Variants in ANK2 observed in about 807,000 individuals in gnomAD.
The protein encoded by ANK2 is ankyrin-2.
Under a neutral mutation model 360.5 loss-of-function variants are expected in ANK2, and 83 were observed. That is an observed-to-expected ratio of 0.23 (90% confidence interval 0.19 to 0.28). The LOEUF (loss-of-function observed/expected upper bound fraction) is 0.28, where lower values mean the gene tolerates loss of function less well. ANK2 is among the 10% of genes least tolerant of loss of function. ANK2 has a pLI of 1.00. For synonymous variants in ANK2, 1,740 were observed against 1,759.5 expected, an observed-to-expected ratio of 0.99 and a Z score of 0.28; for missense variants, 4,201 against 4,795.7, an observed-to-expected ratio of 0.88 and a Z score of 3.66.
intron 2 of ANK2, among the ~76,000 whole-genome samples, chr4:113,036,248 T>C (rs1318578240): frequency 1.5e-5 from 2 of 130,112 alleles, no homozygotes; most frequent in Non-Finnish European, 3.3e-5. Flanking sequence ...GGACTTTTAG[T>C]AGTAAAAAAA....
At chr4:113,058,801 G>C (rs2071533771) in intron 1 of ANK2, among the ~76,000 whole-genome samples, 1 of 152,164 alleles carries the variant, frequency 6.6e-6, no homozygotes, top group Non-Finnish European at 1.5e-5. Context: ...GATGCCATTA[G>C]AACTGCTAGA....
rs538831456 is a variant in ANK2, at chr4:112,900,927, T to C, written c.-39-3528T>C. Reference sequence around the variant, plus strand: ...ATTCCTGCCATTGAGCAATATGGTGTTGGACAAGAGCCTCACTTTCCTTGT... The same window carrying C: ...ATTCCTGCCATTGAGCAATATGGTGCTGGACAAGAGCCTCACTTTCCTTGT... On this transcript the variant is annotated intron_variant, in intron 1 of 30. Transcript: ENST00000503271. Among the ~76,000 whole-genome samples the C allele has an allele frequency of 3.4e-3, 520 of 152,302 alleles. 6 individuals carry two copies. The highest frequency in any genetic ancestry group is 4.4e-3 in the Non-Finnish European group (298 of 68,016).
chr4:113,103,579 A>C (rs757563697), intron 1 of ANK2, among the ~76,000 whole-genome samples: 6 of 152,226 alleles, frequency 3.9e-5, no homozygotes, highest in Non-Finnish European at 7.4e-5. Flanking sequence ...GACTAAAATA[A>C]TTTAGAATTC....
intron 1 of ANK2, among the ~76,000 whole-genome samples, chr4:112,890,553 G>A (rs1448132467): frequency 5.4e-5 from 6 of 110,518 alleles, no homozygotes; most frequent in Non-Finnish European, 1.1e-4. Flanking sequence ...ATACATTTCT[G>A]TGGTTTTTTT....
chr4:113,288,314 C>T (rs1166225072), intron 19 of ANK2, 74 bp from the exon 20 acceptor site: 1 of 1,223,798 alleles, frequency 8.2e-7, no homozygotes, highest in East Asian at 2.4e-5. Context: ...CAGTCCTTCT[C>T]CTCTGGGGTA....
intron 41 of ANK2, among the ~76,000 whole-genome samples, chr4:113,367,295 C>T (rs2096571245): frequency 6.6e-6 from 1 of 151,988 alleles, no homozygotes; most frequent in African/African-American, 2.4e-5. Flanking sequence ...AAATTCTAAC[C>T]CCATGTTAGG....
At chr4:113,243,821 C>T (rs1287213144) in intron 9 of ANK2, among the ~76,000 whole-genome samples, 1 of 152,088 alleles carries the variant, frequency 6.6e-6, no homozygotes, top group African/African-American at 2.4e-5. Context: ...TATATACTGC[C>T]TTTATGAGAT....
chr4:113,222,307 C>T (rs2099160044), intron 4 of ANK2, among the ~76,000 whole-genome samples: 2 of 152,122 alleles, frequency 1.3e-5, no homozygotes, highest in African/African-American at 2.4e-5. Context: ...CTTTCCAGCT[C>T]ATCCCTAGTA....
At chr4:113,275,484 G>A (rs1211137553) in intron 15 of ANK2, among the ~76,000 whole-genome samples, 1 of 152,168 alleles carries the variant, frequency 6.6e-6, no homozygotes, top group Non-Finnish European at 1.5e-5. Flanking sequence ...CTCATAATCA[G>A]TAGGTATAAG....
the ANK2 span, among the ~76,000 whole-genome samples, chr4:112,791,224 C>G: frequency 6.6e-6 from 1 of 152,110 alleles, no homozygotes; most frequent in African/African-American, 2.4e-5. Flanking sequence ...AGTCTTTAAG[C>G]AGAAGCTGGT....
chr4:112,932,347 C>G (rs1320987775), intron 2 of ANK2, among the ~76,000 whole-genome samples: 1 of 152,220 alleles, frequency 6.6e-6, no homozygotes, highest in East Asian at 1.9e-4. Context: ...CAAAAATTAG[C>G]CAGGTGTGGT....
chr4:113,060,679 CTTTTTTT>C (rs58946073), intron 1 of ANK2, among the ~76,000 whole-genome samples: 19 of 89,338 alleles, frequency 2.1e-4, no homozygotes, highest in African/African-American at 6.3e-4. Context: ...ATCTAAAAAG[CTTTTTTT>C]TTTTTTTTTT....
At chr4:112,729,796 A>G in the ANK2 span, among the ~76,000 whole-genome samples, 3 of 151,778 alleles carry the variant, frequency 2.0e-5, no homozygotes, top group South Asian at 6.2e-4. Context: ...AAAATCTGGT[A>G]TATATGCACA....
chr4:112,881,946 T>C, intron 1 of ANK2: 1 of 647,010 alleles, frequency 1.5e-6, no homozygotes, highest in Non-Finnish European at 2.9e-6. Context: ...GGCTGCCATC[T>C]ACCTCCTCCA....
chr4:113,267,960 C>T (rs2056901432), intron 14 of ANK2, among the ~76,000 whole-genome samples: 1 of 152,038 alleles, frequency 6.6e-6, no homozygotes, highest in African/African-American at 2.4e-5. Context: ...TGAAGAGGTC[C>T]TTCACATCCC....
intron 2 of ANK2, among the ~76,000 whole-genome samples, chr4:112,925,847 C>T (rs368760200): frequency 1.4e-4 from 22 of 152,182 alleles, no homozygotes; most frequent in African/African-American, 3.9e-4. Flanking sequence ...CCATGGTCAG[C>T]AAAGGGAGAA....
At chr4:113,045,729 A>G (rs2064152985), upstream of ANK2, among the ~76,000 whole-genome samples, 1 of 152,242 alleles carries the variant, frequency 6.6e-6, no homozygotes, top group South Asian at 2.1e-4. Flanking sequence ...GTAAGGTATT[A>G]TCATCATTGC....
chr4:112,883,018 CTTTTTTTTTTTTTTTTTTT>C (rs536262490), intron 1 of ANK2, among the ~76,000 whole-genome samples: 292 of 30,518 alleles, frequency 9.6e-3, no homozygotes, highest in African/African-American at 0.019. Flanking sequence ...CTTGGTTAGT[CTTTTTTTTTTTTTTTTTTT>C]TTTTTTTTTT....
At chr4:113,380,329 ATAT>A (rs1435916440) in intron 45 of ANK2, among the ~76,000 whole-genome samples, 1 of 152,194 alleles carries the variant, frequency 6.6e-6, no homozygotes, top group Non-Finnish European at 1.5e-5. Flanking sequence ...TTACAGGAAA[ATAT>A]TAGTATGACT....
Sources: allele counts gnomAD v4.1 joint callset (sites outside exome capture counted in the v4.1 genomes callset), GRCh38; gene constraint gnomAD v4.1.1; transcripts MANE v1.5; gene names NCBI Gene and HGNC (gene_info 2026-07-23, HGNC 2026-07-21).